Variants in CHRFAM7A observed in about 807,000 individuals in gnomAD.
CHRFAM7A encodes CHRNA7 (exons 5-10) and FAM7A (exons A-E) fusion.
In CHRFAM7A, 3 loss-of-function variants were observed where a neutral mutation model predicts 29.2. The ratio of observed to expected loss-of-function variants is 0.10; its 90% confidence interval spans 0.05 to 0.27. The LOEUF is 0.27. Ranked by LOEUF, CHRFAM7A falls within the 10% of genes least tolerant of loss-of-function variation. The pLI is 1.00. For missense variants in CHRFAM7A, 22 were observed against 328.0 expected (o/e 0.07, Z 7.21); for synonymous variants, 7 against 135.4 (o/e 0.05, Z 6.58).
upstream of CHRFAM7A, chr15:30,393,851 C>T (rs1380547783): frequency 1.5e-5 from 1 of 65,940 alleles, no homozygotes; most frequent in African/African-American, 4.9e-5. Context: ...GGCACAACCA[C>T]CAACTCTGTG....
At chr15:30,375,800 A>G (rs1281560743) in intron 5 of CHRFAM7A, among the ~76,000 whole-genome samples, 8 of 141,090 alleles carry the variant, frequency 5.7e-5, no homozygotes, top group Non-Finnish European at 3.1e-5. Flanking sequence ...TGTGGGTGGT[A>G]TGTGAGTGGT....
At chr15:30,371,767 A>G (rs1393645350) in intron 7 of CHRFAM7A, among the ~76,000 whole-genome samples, 1 of 144,508 alleles carries the variant, frequency 6.9e-6, no homozygotes, top group Non-Finnish European at 1.5e-5. Flanking sequence ...TACACTGGGT[A>G]CTGTAACATA....
chr15:30,371,484 T>C (rs1276600846), intron 7 of CHRFAM7A, among the ~76,000 whole-genome samples: 12 of 148,408 alleles, frequency 8.1e-5, no homozygotes. Context: ...CTCTGTAAAA[T>C]ATTATTGAGA....
rs538036796 is a variant in CHRFAM7A at position 30,363,334 on chromosome 15, G to A, written c.721-523C>T. On this transcript the variant is annotated intron_variant, in intron 9 of 9. Transcript: ENST00000299847. ...GAAGCAGTTCAGGCTTCCAACATCA[G>A]ATTACCACATCTCTTGTGATGACGT... Among the ~76,000 whole-genome samples, 679 of 147,410 alleles carry A rather than the reference G, an allele frequency of 4.6e-3. 3 individuals are homozygous for A. The highest frequency in any genetic ancestry group is 0.017 in the African/African-American group (647 of 38,726).
chr15:30,376,241 G>T (rs1254676106), intron 5 of CHRFAM7A, among the ~76,000 whole-genome samples: 15 of 142,766 alleles, frequency 1.1e-4, no homozygotes, highest in Admixed American at 9.2e-4. Flanking sequence ...TGTGTGAGTG[G>T]TAGTTAGGTG....
At position 30,371,170 on chromosome 15, in the gene CHRFAM7A, G is replaced by A. The variant is rs374766000; in HGVS notation, c.538C>T (p.Leu180Phe). The stretch of plus-strand genomic sequence containing the variant: ...AGCAGCATGAAGACGGTAAGAGAGA[G>A]TAAGACTGTTATCCCTAAAACATAA... The part of the protein sequence containing the change: ...EKISLGITVL[L>F]SLTVFMLLVA... Residue 180 changes from leucine (L) to phenylalanine (F), a missense_variant, in exon 8 of 10, where the codon CTC becomes TTC. By Grantham distance (22) the Leu-to-Phe change is conservative (BLOSUM62 0). Coordinates refer to ENST00000299847, the MANE Select transcript of CHRFAM7A (RefSeq NM_139320.2). 7.7e-5 allele frequency: 116 copies of A among 1,506,978 alleles called. No homozygotes were observed. In the African/African-American group the frequency reaches 1.6e-3, roughly 21 times the overall value. 93.4% of individuals were successfully genotyped at this position (1,506,978 alleles called of 1,614,324 possible).
At chr15:30,374,940 CCCTGGG>C (rs1385368951) in intron 5 of CHRFAM7A, among the ~76,000 whole-genome samples, 1 of 135,814 alleles carries the variant, frequency 7.4e-6, no homozygotes, top group African/African-American at 2.8e-5. Flanking sequence ...ATCCAGGCGG[CCCTGGG>C]CCTTTCCTGC....
At chr15:30,387,339 T>TG (rs2058980817) in intron 1 of CHRFAM7A, among the ~76,000 whole-genome samples, 1 of 95,650 alleles carries the variant, frequency 1.0e-5, no homozygotes. Context: ...TTTTTTTGGT[T>TG]TTTTTTTTTT....
At chr15:30,376,064 GGT>G (rs1222600090) in intron 5 of CHRFAM7A, among the ~76,000 whole-genome samples, 97 of 150,896 alleles carry the variant, frequency 6.4e-4, no homozygotes, top group African/African-American at 2.3e-3. Context: ...GTGTGTGGGT[GGT>G]GTGTATGAGT....
intron 8 of CHRFAM7A, among the ~76,000 whole-genome samples, chr15:30,368,075 T>TG (rs1173070855): frequency 3.0e-5 from 3 of 99,984 alleles, no homozygotes; most frequent in African/African-American, 4.2e-5. Context: ...GCTTCCATCC[T>TG]GGTCCACTAG....
chr15:30,376,139 GGT>G (rs1365010576), intron 5 of CHRFAM7A, among the ~76,000 whole-genome samples: 27 of 150,460 alleles, frequency 1.8e-4, no homozygotes, highest in African/African-American at 3.5e-4. Flanking sequence ...GTGTGTGTGA[GGT>G]GTGTGTGAGT....
intron 5 of CHRFAM7A, among the ~76,000 whole-genome samples, chr15:30,374,051 A>T (rs1262844806): frequency 7.1e-6 from 1 of 139,996 alleles, no homozygotes; most frequent in Non-Finnish European, 1.5e-5. Context: ...TGGTGCTTGA[A>T]GGAAGAGTTT....
At chr15:30,376,401 T>G (rs202206323) in intron 5 of CHRFAM7A, among the ~76,000 whole-genome samples, 14,577 of 96,122 alleles carry the variant, frequency 0.15, 5 homozygotes, top group Non-Finnish European at 0.19. Context: ...GCATGCACCT[T>G]TAGGCCATAA....
chr15:30,369,143 ACT>A (rs1170925188), intron 8 of CHRFAM7A, among the ~76,000 whole-genome samples: 1 of 141,368 alleles, frequency 7.1e-6, no homozygotes, highest in African/African-American at 2.7e-5. Context: ...GAGCTAATTC[ACT>A]CTCTTTTTGC....
At chr15:30,363,094 GCTAT>G (rs1187489475) in intron 9 of CHRFAM7A, among the ~76,000 whole-genome samples, 2 of 151,438 alleles carry the variant, frequency 1.3e-5, no homozygotes, top group African/African-American at 4.9e-5. Flanking sequence ...GAAGGGGAAG[GCTAT>G]CTGAGCTGTG....
At chr15:30,363,357 C>T (rs577254532) in intron 9 of CHRFAM7A, among the ~76,000 whole-genome samples, 2 of 147,458 alleles carry the variant, frequency 1.4e-5, no homozygotes, top group African/African-American at 2.6e-5. Context: ...CTTGTGATGA[C>T]GTGACCACTT....
chr15:30,376,348 C>A lies in CHRFAM7A; in HGVS notation c.160+682G>T, dbSNP rs539750018. 3.5e-5 allele frequency among the ~76,000 whole-genome samples: 5 copies of A among 141,148 alleles called. No homozygotes were observed. In the South Asian group the frequency reaches 1.2e-3, roughly 34 times the overall value. The allele number at this position is 141,148 out of a possible 152,430, so 92.6% of individuals were successfully genotyped here. A position where few individuals can be genotyped will look rare whatever the true frequency, so the allele number is the denominator to read the frequency against. ...ACACATTAAAAATCTTCTAAAAGAT[C>A]AAAAACCCCAGCTGTTCCTATCAAT... On this transcript the variant is annotated intron_variant, in intron 5 of 9. Coordinates refer to ENST00000299847, the MANE Select transcript of CHRFAM7A (RefSeq NM_139320.2).
intron 5 of CHRFAM7A, among the ~76,000 whole-genome samples, chr15:30,373,557 G>A (rs62016478): frequency 0.38 from 47,107 of 124,480 alleles, 8,561 homozygotes; most frequent in East Asian, 0.77. Flanking sequence ...TGTTTGGTGC[G>A]GGGTGAGGTA....
chr15:30,376,071 ATGAGTGGTG>A (rs2058931165), intron 5 of CHRFAM7A, among the ~76,000 whole-genome samples: 2 of 138,910 alleles, frequency 1.4e-5, no homozygotes, highest in Middle Eastern at 4.5e-3. Context: ...GGTGGTGTGT[ATGAGTGGTG>A]TGAGTAGTGT....
Sources: gnomAD v4.1 joint callset for allele counts (sites outside exome capture counted in the v4.1 genomes callset) on GRCh38, gnomAD v4.1.1 for gene constraint, MANE v1.5 for transcripts, NCBI Gene and HGNC (gene_info 2026-07-23, HGNC 2026-07-21) for gene names.